The following ADGRL4 variants were observed in gnomAD, a reference collection of about 807,000 sequenced individuals.
ADGRL4 encodes EGF, latrophilin and seven transmembrane domain containing 1.
Under a neutral mutation model 74.8 loss-of-function variants are expected in ADGRL4, and 90 were observed. The observed-to-expected ratio is 1.20, with a 90% CI of 1.02 to 1.43. ADGRL4 has a LOEUF of 1.43. Among genes scored for constraint, ADGRL4 ranks in the 40% most tolerant of loss-of-function variants. ADGRL4 has a pLI of 0.00. For synonymous variants in ADGRL4, 311 were observed against 279.2 expected (o/e 1.11, Z -1.14); for missense variants, 881 against 814.3 (o/e 1.08, Z -1.00).
rs1649601492 is a variant in ADGRL4 at position 78,946,371 on chromosome 1, A to C, written c.228T>G (p.Thr76=). 1 of 1,613,204 alleles carries C rather than the reference A, an allele frequency of 6.2e-7. No individual in the cohort carries two copies. The highest frequency in any genetic ancestry group is 8.5e-7 in the Non-Finnish European group (1 of 1,179,482). ...TQSCGENANC[T]NTEGSYYCMC... ...TACAATAATAACTTCCTTCTGTGTT[A>C]GTGCAATTAGCATTTTCGCCACAGG... The change falls in exon 3 of 15, where the codon ACT becomes ACG. Residue 76 remains threonine (T), a synonymous_variant. Coordinates refer to ENST00000370742, the MANE Select transcript of ADGRL4 (RefSeq NM_022159.4).
At chr1:78,970,754 C>T (rs1570263243) in intron 2 of ADGRL4, among the ~76,000 whole-genome samples, 1 of 152,178 alleles carries the variant, frequency 6.6e-6, no homozygotes, top group Non-Finnish European at 1.5e-5. Flanking sequence ...CCTTTCTCCT[C>T]CTCTGTCCTC....
At chr1:78,965,174 T>A (rs958419900) in intron 2 of ADGRL4, among the ~76,000 whole-genome samples, 1 of 152,120 alleles carries the variant, frequency 6.6e-6, no homozygotes, top group Admixed American at 6.6e-5. Context: ...GGGAGTTTTT[T>A]AAAATTTACA....
intron 2 of ADGRL4, among the ~76,000 whole-genome samples, chr1:78,970,793 T>A (rs145241632): frequency 2.0e-5 from 3 of 152,262 alleles, no homozygotes; most frequent in African/African-American, 7.2e-5. Context: ...TGTGTCTCAG[T>A]ACTATGGGAC....
intron 2 of ADGRL4, among the ~76,000 whole-genome samples, chr1:78,990,007 C>A (rs1233437084): frequency 1.3e-5 from 2 of 151,876 alleles, no homozygotes; most frequent in Non-Finnish European, 2.9e-5. Context: ...AATTCTACTT[C>A]CCATTGATTA....
chr1:78,926,910 T>G lies in ADGRL4; in HGVS notation c.1059A>C (p.Ile353=). 1 of 1,611,764 alleles carries G rather than the reference T, an allele frequency of 6.2e-7. No individual in the cohort carries two copies. The change falls in exon 8 of 15, where the codon ATA becomes ATC. Residue 353 remains isoleucine, a synonymous_variant. Coordinates refer to ENST00000370742, the MANE Select transcript of ADGRL4 (RefSeq NM_022159.4). The part of the protein sequence containing the change: ...NPPTLYELEK[I]TFTLSHRKVT... ...CCTTTCGATGACTTAATGTAAATGT[T>G]ATTTTTTCAAGTTCATATAATGTGG... is the stretch of plus-strand genomic sequence containing the variant.
intron 2 of ADGRL4, among the ~76,000 whole-genome samples, chr1:78,949,444 G>A (rs551217066): frequency 6.6e-6 from 1 of 152,072 alleles, no homozygotes; most frequent in East Asian, 1.9e-4. Flanking sequence ...CTATCTTCTG[G>A]GCTGGATATA....
At chr1:79,002,253 CA>C (rs1193977332) in intron 2 of ADGRL4, among the ~76,000 whole-genome samples, 2 of 152,084 alleles carry the variant, frequency 1.3e-5, no homozygotes, top group Non-Finnish European at 2.9e-5. Flanking sequence ...TGCTATTGCT[CA>C]AAACATCTCA....
At chr1:78,967,315 T>A (rs143759349) in intron 2 of ADGRL4, among the ~76,000 whole-genome samples, 17 of 152,286 alleles carry the variant, frequency 1.1e-4, no homozygotes, top group Admixed American at 2.0e-4. Context: ...TAGTAAGACA[T>A]GGGGTAAAAT....
rs572270115 is a variant in ADGRL4 at position 78,901,935 on chromosome 1, G to C, written c.1750-8746C>G. ...CAGAAAGCAGACCTCAGAGAAATGG[G>C]AGTGCAGTCTACAATTATGTGAAAA... On this transcript the variant is annotated intron_variant, in intron 12 of 14. Coordinates refer to ENST00000370742, the MANE Select transcript of ADGRL4 (RefSeq NM_022159.4). Among the ~76,000 whole-genome samples the C allele has an allele frequency of 5.0e-4, 76 of 152,242 alleles. 1 individual carries two copies. The highest frequency in any genetic ancestry group is 1.7e-3 in the African/African-American group (69 of 41,560).
chr1:78,926,246 A>T (rs953251020), intron 8 of ADGRL4, among the ~76,000 whole-genome samples: 3 of 152,106 alleles, frequency 2.0e-5, no homozygotes, highest in Admixed American at 6.6e-5. Context: ...AAAGTTTAAG[A>T]TAACATCAAC....
intron 3 of ADGRL4, among the ~76,000 whole-genome samples, chr1:78,940,578 G>A (rs1180034145): frequency 3.3e-5 from 5 of 152,058 alleles, no homozygotes; most frequent in African/African-American, 4.8e-5. Flanking sequence ...GAACTGAGGA[G>A]TCTAGATCAT....
At chr1:78,893,969 T>C (rs1446382449) in intron 12 of ADGRL4, among the ~76,000 whole-genome samples, 1 of 151,834 alleles carries the variant, frequency 6.6e-6, no homozygotes, top group Non-Finnish European at 1.5e-5. Context: ...GAAGGGTATA[T>C]GTTAAATGTA....
intron 2 of ADGRL4, among the ~76,000 whole-genome samples, chr1:78,956,546 C>T (rs1400036491): frequency 6.6e-6 from 1 of 152,128 alleles, no homozygotes; most frequent in Admixed American, 6.6e-5. Context: ...AAGGCAAGAG[C>T]CTAACACTCA....
At chr1:78,913,459 C>T (rs948323325) in intron 12 of ADGRL4, among the ~76,000 whole-genome samples, 1 of 151,920 alleles carries the variant, frequency 6.6e-6, no homozygotes, top group Non-Finnish European at 1.5e-5. Flanking sequence ...AGAATGAGTT[C>T]ATGTCCTTTG....
At chr1:78,974,783 C>T (rs575197920) in intron 2 of ADGRL4, among the ~76,000 whole-genome samples, 33 of 152,176 alleles carry the variant, frequency 2.2e-4, no homozygotes, top group Non-Finnish European at 3.5e-4. Context: ...TCACCTCAAT[C>T]TGACACTAAC....
intron 2 of ADGRL4, among the ~76,000 whole-genome samples, chr1:78,988,689 A>G (rs1410608382): frequency 6.6e-6 from 1 of 151,824 alleles, no homozygotes; most frequent in Non-Finnish European, 1.5e-5. Flanking sequence ...TCTCCTAGGC[A>G]TTGAAAATCC....
chr1:78,891,367 CA>C, intron 14 of ADGRL4, 151 bp from the exon 15 acceptor site: 1 of 1,219,652 alleles, frequency 8.2e-7, no homozygotes, highest in Non-Finnish European at 1.1e-6. Context: ...TCCCTAATAC[CA>C]AGGTTCTTTT....
At chr1:78,920,999 T>A (rs1408549534) in intron 9 of ADGRL4, among the ~76,000 whole-genome samples, 1 of 151,796 alleles carries the variant, frequency 6.6e-6, no homozygotes, top group Non-Finnish European at 1.5e-5. Context: ...TTACTTTATA[T>A]ATTTAATGAT....
chr1:78,939,058 A>G (rs541518202), intron 4 of ADGRL4, 130 bp downstream of exon 4: 19 of 1,191,674 alleles, frequency 1.6e-5, no homozygotes, highest in Non-Finnish European at 2.1e-5. Context: ...TTAGATCTCT[A>G]TATGTAAACG....
Sources: allele counts gnomAD v4.1 joint callset (sites outside exome capture counted in the v4.1 genomes callset), GRCh38; gene constraint gnomAD v4.1.1; transcripts MANE v1.5; gene names NCBI Gene and HGNC (gene_info 2026-07-23, HGNC 2026-07-21).